CIP2A: variants seen among roughly 807,000 people sequenced by gnomAD.
CIP2A encodes protein CIP2A.
CIP2A carries 103 observed loss-of-function variants against 110.9 expected under a neutral mutation model. That is an observed-to-expected ratio of 0.93 (90% CI 0.79 to 1.09). The LOEUF (loss-of-function observed/expected upper bound fraction) is 1.09. Ranked by LOEUF, CIP2A falls within the 50% of genes least tolerant of loss-of-function variation. The pLI, the probability that CIP2A is intolerant of heterozygous loss-of-function variation, is 0.00. For missense variants in CIP2A, 1,088 were observed against 1,038.4 expected (o/e 1.05, Z -0.66); for synonymous variants, 381 against 361.6 (o/e 1.05, Z -0.61).
At position 108,585,190 on chromosome 3, in the gene CIP2A, G is replaced by C. The variant is rs1559704930; in HGVS notation, c.125C>G (p.Thr42Arg). 1 of 1,609,938 alleles carries C rather than the reference G, an allele frequency of 6.2e-7. No individual in the cohort carries two copies. The highest frequency in any genetic ancestry group is 1.7e-5 in the Admixed American group (1 of 59,432). ...HLEVISGQKL[T>R]RLFTSNQILT... Reference sequence around the variant, plus strand: ...TATCTGATTTGATGTAAATAGTCGTGTGAGTTTCTGTCCAGAAATTACCTA... The same window carrying C: ...TATCTGATTTGATGTAAATAGTCGTCTGAGTTTCTGTCCAGAAATTACCTA... Residue 42 changes from threonine (T) to arginine (R), a missense_variant, in exon 2 of 21, where the codon ACA (threonine) becomes AGA (arginine). Coordinates refer to ENST00000295746, the MANE Select transcript of CIP2A (RefSeq NM_020890.3).
intron 2 of CIP2A, among the ~76,000 whole-genome samples, chr3:108,584,453 C>T (rs1170517468): frequency 1.3e-5 from 2 of 152,132 alleles, no homozygotes; most frequent in Non-Finnish European, 2.9e-5. Context: ...TACAGGCTCA[C>T]CCCATTTTAC....
At chr3:108,580,063 A>G (rs1346507055) in intron 5 of CIP2A, among the ~76,000 whole-genome samples, 1 of 152,240 alleles carries the variant, frequency 6.6e-6, no homozygotes, top group Admixed American at 6.5e-5. Flanking sequence ...TAAATACTGC[A>G]GGATTTGTGT....
At chr3:108,571,603 T>C (rs1458152650) in intron 8 of CIP2A, among the ~76,000 whole-genome samples, 1 of 152,186 alleles carries the variant, frequency 6.6e-6, no homozygotes, top group South Asian at 2.1e-4. Context: ...ACATTAGTTT[T>C]CTTTTAATGT....
chr3:108,569,190 AC>A (rs1432171704), intron 9 of CIP2A, among the ~76,000 whole-genome samples, 198 bp downstream of exon 9: 16 of 131,378 alleles, frequency 1.2e-4, no homozygotes, highest in Middle Eastern at 3.8e-3. Flanking sequence ...ATACATACAC[AC>A]TACTCAGTGA....
intron 12 of CIP2A, among the ~76,000 whole-genome samples, chr3:108,563,919 T>TA (rs1227152754): frequency 6.6e-6 from 1 of 150,926 alleles, no homozygotes; most frequent in African/African-American, 2.4e-5. Context: ...TTTTGGTACT[T>TA]AAAACGTTTT....
At chr3:108,582,598 T>C (rs773640951) in intron 3 of CIP2A, among the ~76,000 whole-genome samples, 4 of 152,246 alleles carry the variant, frequency 2.6e-5, no homozygotes, top group Non-Finnish European at 5.9e-5. Context: ...TTTGAATCTA[T>C]ATTAAATAGA....
At chr3:108,588,688 A>G (rs545627285) in intron 1 of CIP2A, among the ~76,000 whole-genome samples, 84 of 152,332 alleles carry the variant, frequency 5.5e-4, no homozygotes, top group Admixed American at 1.5e-3. Context: ...TCGTCTGGAC[A>G]CATATCACTA....
intron 7 of CIP2A, 111 bp downstream of exon 7, chr3:108,579,170 G>T: frequency 1.2e-6 from 1 of 814,930 alleles, no homozygotes. Flanking sequence ...AGTCTACTGT[G>T]AATCAGTAGA....
intron 10 of CIP2A, 112 bp from the exon 11 acceptor site, chr3:108,566,750 T>C (rs1021202291): frequency 1.6e-5 from 10 of 616,114 alleles, no homozygotes; most frequent in Non-Finnish European, 2.6e-5. Flanking sequence ...GTATAATTAT[T>C]GTTAAATTAG....
chr3:108,574,118 G>A (rs1938487355), intron 8 of CIP2A, among the ~76,000 whole-genome samples: 1 of 152,060 alleles, frequency 6.6e-6, no homozygotes, highest in South Asian at 2.1e-4. Flanking sequence ...GAAAATATTT[G>A]CATGTTATAT....
intron 18 of CIP2A, among the ~76,000 whole-genome samples, 172 bp from the exon 19 acceptor site, chr3:108,553,902 AAAAAAAAAAAAAAAAAAG>A (rs1327321229): frequency 2.4e-5 from 3 of 124,354 alleles, no homozygotes; most frequent in African/African-American, 8.9e-5. Context: ...AATATAAAAA[AAAAAAAAAAAAAAAAAAG>A]GTCTCGTTCT....
At chr3:108,582,331 G>A (rs539456409) in intron 3 of CIP2A, 129 bp from the exon 4 acceptor site, 3 of 429,462 alleles carry the variant, frequency 7.0e-6, no homozygotes, top group South Asian at 1.1e-4. Flanking sequence ...AAAAACACAT[G>A]TAAAGTAATG....
chr3:108,574,792 G>T, intron 8 of CIP2A: 1 of 153,986 alleles, frequency 6.5e-6, no homozygotes, highest in South Asian at 1.8e-4. Context: ...AAGCCCCCAG[G>T]GCACCGTGAC....
intron 8 of CIP2A, among the ~76,000 whole-genome samples, chr3:108,573,767 T>C (rs1316473971): frequency 6.6e-6 from 1 of 152,150 alleles, no homozygotes; most frequent in Non-Finnish European, 1.5e-5. Flanking sequence ...GTAACAAACT[T>C]TGTACTGTTT....
At chr3:108,575,216 G>A (rs909855911) in intron 8 of CIP2A, among the ~76,000 whole-genome samples, 2 of 151,722 alleles carry the variant, frequency 1.3e-5, no homozygotes, top group African/African-American at 4.8e-5. Flanking sequence ...GATAGAAAAC[G>A]TATTATATGC....
At chr3:108,572,182 A>G (rs1207216105) in intron 8 of CIP2A, among the ~76,000 whole-genome samples, 1 of 152,026 alleles carries the variant, frequency 6.6e-6, no homozygotes, top group East Asian at 1.9e-4. Context: ...ATAAATAGAA[A>G]CTTAATTTTA....
chr3:108,553,651 C>T lies in CIP2A; in HGVS notation c.2404G>A (p.Ala802Thr). 3 of 1,556,092 alleles carry T rather than the reference C, an allele frequency of 1.9e-6. No homozygotes were observed. Among genetic ancestry groups the T allele is most frequent in the African/African-American group, 1.4e-5 (1 of 73,420 alleles). The change falls in exon 19 of 21, where the codon GCA (alanine) becomes ACA (threonine). Residue 802 changes from alanine (A) to threonine (T), a missense_variant. Coordinates refer to ENST00000295746, the MANE Select transcript of CIP2A (RefSeq NM_020890.3). ...TATTAAATAAGAAGCCACTTACTTG[C>T]TAGCTTATGTTCTCTGTCTACTAGC... is the stretch of plus-strand genomic sequence containing the variant. ...NQLVDREHKL[A>T]NLHQKTKVQE...
chr3:108,569,450 G>T lies in CIP2A; in HGVS notation c.1052C>A (p.Pro351His). ...TVALLRWLSQ[P>H]LDGSENCSVL... ...AGAACAGTTTTCTGATCCGTCCAAA[G>T]GTTGGCTTAACCAGCGCAGTAGAGC... The change falls in exon 9 of 21, where the codon CCT becomes CAT. Residue 351 changes from proline (P) to histidine (H), a missense_variant. Transcript: ENST00000295746. 3 of 1,612,680 alleles carry T rather than the reference G, an allele frequency of 1.9e-6. No homozygotes were observed. Among genetic ancestry groups the T allele is most frequent in the Non-Finnish European group, 2.5e-6 (3 of 1,179,252 alleles).
At chr3:108,555,935 A>T (rs1480160726) in intron 17 of CIP2A, among the ~76,000 whole-genome samples, 4 of 152,106 alleles carry the variant, frequency 2.6e-5, no homozygotes, top group African/African-American at 9.7e-5. Flanking sequence ...GCTCCTCCTT[A>T]CTTGGCACCC....
Sources: gnomAD v4.1 joint callset for allele counts (sites outside exome capture counted in the v4.1 genomes callset) on GRCh38, gnomAD v4.1.1 for gene constraint, MANE v1.5 for transcripts, NCBI Gene and HGNC (gene_info 2026-07-23, HGNC 2026-07-21) for gene names.